STK32A: variants seen among roughly 807,000 people sequenced by gnomAD.
The protein encoded by STK32A is serine/threonine-protein kinase 32A.
STK32A carries 41 observed loss-of-function variants against 53.2 expected under a neutral mutation model. That is an observed-to-expected ratio of 0.77 (90% CI 0.60 to 1.00). STK32A has a LOEUF of 1.00. STK32A is among the 50% of genes least tolerant of loss of function. STK32A has a pLI of 0.00. For missense variants in STK32A, 458 were observed against 485.8 expected (o/e 0.94, Z 0.54); for synonymous variants, 166 against 162.8 (o/e 1.02, Z -0.15).
intron 10 of STK32A, among the ~76,000 whole-genome samples, 184 bp from the exon 11 acceptor site, chr5:147,374,906 A>G (rs1246314942): frequency 1.3e-5 from 2 of 152,198 alleles, no homozygotes; most frequent in Non-Finnish European, 2.9e-5. Context: ...AGAGTTTAGA[A>G]AAATAAACGA....
intron 2 of STK32A, among the ~76,000 whole-genome samples, chr5:147,249,233 C>T (rs1300218994): frequency 6.6e-6 from 1 of 151,756 alleles, no homozygotes; most frequent in African/African-American, 2.4e-5. Context: ...TAGTGAGAAC[C>T]TAGGTAAGTG....
the STK32A span, chr5:147,393,753 T>A: frequency 2.4e-6 from 1 of 425,306 alleles, no homozygotes; most frequent in Non-Finnish European, 4.4e-6. Flanking sequence ...CTCAACACTA[T>A]GATAGAGCAG....
chr5:147,261,109 G>A (rs1754547387), intron 2 of STK32A, among the ~76,000 whole-genome samples: 2 of 152,126 alleles, frequency 1.3e-5, no homozygotes, highest in South Asian at 4.2e-4. Flanking sequence ...CCCTGAGGCT[G>A]CCACAAGGGG....
chr5:147,310,542 G>T (rs1753640928), intron 4 of STK32A, among the ~76,000 whole-genome samples: 1 of 152,136 alleles, frequency 6.6e-6, no homozygotes, highest in Non-Finnish European at 1.5e-5. Flanking sequence ...GGCCTGCCCA[G>T]CCACTTGCTG....
At chr5:147,361,438 C>A in intron 7 of STK32A, 79 bp from the exon 8 acceptor site, 1 of 952,146 alleles carries the variant, frequency 1.1e-6, no homozygotes, top group Non-Finnish European at 1.7e-6. Flanking sequence ...TGGTAATTCT[C>A]CTTTGGAGGA....
In STK32A at chr5:147,282,800, TACTAATTGACCTAAGAAATGAGACAG is replaced by T. The variant is rs577058015; in HGVS notation, c.260+3405_260+3430del. Among the ~76,000 whole-genome samples, 29 of 152,232 alleles carry T rather than the reference TACTAATTGACCTAAGAAATGAGACAG, an allele frequency of 1.9e-4. 1 individual carries two copies. The South Asian group carries it at 5.2e-3, about 27-fold the overall frequency. On this transcript the variant is annotated intron_variant, in intron 4 of 12. Coordinates refer to ENST00000397936, the MANE Select transcript of STK32A (RefSeq NM_001112724.2). ...GGAGCTCCCAAATTTATAAAACAAT[TACTAATTGACCTAAGAAATGAGACAG>T]ACAGCAACACAATAATAGTGAAGGA...
intron 6 of STK32A, among the ~76,000 whole-genome samples, chr5:147,348,501 T>C (rs1055548574): frequency 1.3e-5 from 2 of 152,220 alleles, no homozygotes; most frequent in East Asian, 1.9e-4. Context: ...TCCCAGGTGA[T>C]GCTGATGCTG....
chr5:147,237,410 G>T (rs1753370184), intron 1 of STK32A, among the ~76,000 whole-genome samples: 1 of 152,066 alleles, frequency 6.6e-6, no homozygotes, highest in African/African-American at 2.4e-5. Context: ...GATTTTAAAT[G>T]CAATAATAAA....
chr5:147,383,617 G>T (rs1367071804), intron 12 of STK32A, 112 bp downstream of exon 12: 1 of 963,596 alleles, frequency 1.0e-6, no homozygotes, highest in Non-Finnish European at 1.5e-6. Context: ...TTCTAATTGG[G>T]AAAATGATGC....
At chr5:147,301,090 G>A (rs1347805202) in intron 4 of STK32A, among the ~76,000 whole-genome samples, 3 of 152,306 alleles carry the variant, frequency 2.0e-5, no homozygotes, top group Non-Finnish European at 4.4e-5. Context: ...ACACTTTTAT[G>A]CCATCTTGAG....
chr5:147,245,156 T>A (rs1202244353), intron 2 of STK32A, among the ~76,000 whole-genome samples: 2 of 152,196 alleles, frequency 1.3e-5, no homozygotes, highest in African/African-American at 2.4e-5. Flanking sequence ...CCCCTGAGGT[T>A]ATTGTATTTT....
chr5:147,361,423 GA>G (rs1240279059), intron 7 of STK32A, 93 bp from the exon 8 acceptor site: 1 of 837,378 alleles, frequency 1.2e-6, no homozygotes, highest in African/African-American at 1.7e-5. Context: ...TTATATTTTT[GA>G]TCCTGGTAAT....
intron 4 of STK32A, among the ~76,000 whole-genome samples, chr5:147,312,942 G>A (rs1157290261): frequency 6.6e-6 from 1 of 151,854 alleles, no homozygotes; most frequent in Admixed American, 6.6e-5. Context: ...AACCACAGTG[G>A]GCCAGTACTA....
intron 2 of STK32A, among the ~76,000 whole-genome samples, chr5:147,245,486 T>C (rs76839846): frequency 0.011 from 1,691 of 152,288 alleles, 29 homozygotes; most frequent in African/African-American, 0.038. Context: ...GGTTGGTTGG[T>C]ATGGTTTTGC....
chr5:147,256,887 T>C (rs548762168), intron 2 of STK32A, among the ~76,000 whole-genome samples: 1 of 152,070 alleles, frequency 6.6e-6, no homozygotes, highest in Non-Finnish European at 1.5e-5. Flanking sequence ...TGTTCCGTTG[T>C]GAGAGGTTTT....
intron 2 of STK32A, among the ~76,000 whole-genome samples, chr5:147,262,499 T>C (rs539953988): frequency 1.2e-4 from 19 of 152,304 alleles, no homozygotes; most frequent in Admixed American, 7.8e-4. Context: ...AAACTCTAGA[T>C]ATGTTTTTAA....
At chr5:147,315,163 G>T (rs529956288) in intron 4 of STK32A, among the ~76,000 whole-genome samples, 1 of 152,252 alleles carries the variant, frequency 6.6e-6, no homozygotes, top group Admixed American at 6.5e-5. Context: ...AAAACAGTTG[G>T]ACAGTTCTTC....
At chr5:147,380,316 G>GT (rs1217914576) in intron 11 of STK32A, among the ~76,000 whole-genome samples, 1 of 152,126 alleles carries the variant, frequency 6.6e-6, no homozygotes, top group Non-Finnish European at 1.5e-5. Flanking sequence ...CCGTTTGCAA[G>GT]TAAGAGTGAA....
At chr5:147,398,245 AG>A in the STK32A span, among the ~76,000 whole-genome samples, 2 of 152,162 alleles carry the variant, frequency 1.3e-5, no homozygotes, top group Non-Finnish European at 2.9e-5. Context: ...ATTTAAGCAA[AG>A]GCCATTGCCA....
Sources: allele counts gnomAD v4.1 joint callset (sites outside exome capture counted in the v4.1 genomes callset), GRCh38; gene constraint gnomAD v4.1.1; transcripts MANE v1.5; gene names NCBI Gene and HGNC (gene_info 2026-07-23, HGNC 2026-07-21).